Variants in ADGRV1 observed in about 807,000 individuals in gnomAD.
ADGRV1 encodes G-protein coupled receptor 98.
ADGRV1 carries 359 observed loss-of-function variants against 596.2 expected under a neutral mutation model. The ratio of observed to expected loss-of-function variants is 0.60; its 90% CI spans 0.55 to 0.66. The LOEUF (loss-of-function observed/expected upper bound fraction) is 0.66. Among genes scored for constraint, ADGRV1 ranks in the 30% least tolerant of loss-of-function variants. ADGRV1 has a pLI of 0.00. For synonymous variants in ADGRV1, 2,681 were observed against 2,679.2 expected, an observed-to-expected ratio of 1.00 and a Z score of -0.02; for missense variants, 7,274 against 7,575.6, an observed-to-expected ratio of 0.96 and a Z score of 1.48.
intron 11 of ADGRV1, 116 bp from the exon 12 acceptor site, chr5:90,642,520 C>G: frequency 9.1e-7 from 1 of 1,099,180 alleles, no homozygotes; most frequent in Non-Finnish European, 1.3e-6. Flanking sequence ...GGTCTAATTC[C>G]TCATAGCCTT....
intron 83 of ADGRV1, among the ~76,000 whole-genome samples, chr5:90,879,793 C>A (rs2150535309): frequency 6.6e-6 from 1 of 152,002 alleles, no homozygotes; most frequent in African/African-American, 2.4e-5. Flanking sequence ...ACTGAAAATA[C>A]AAAATTAGCT....
Position 90,704,411 on chromosome 5 carries a change from T to G in ADGRV1, c.8309T>G (p.Phe2770Cys), listed in dbSNP as rs573275676. The G allele has an allele frequency of 1.1e-5, 18 of 1,577,252 alleles. No homozygotes were observed. In the South Asian group the frequency reaches 2.0e-4, roughly 18 times the overall value. ...FPEGSLNTTLFVHLLDDNIPE... is the reference protein window; with the variant it reads ...FPEGSLNTTLCVHLLDDNIPE... ...TAGGGGTCGTTGAATACAACATTGT[T>G]TGTGCATTTGTTGGATGACAACATT... The change falls in exon 36 of 90, where the codon TTT (phenylalanine) becomes TGT (cysteine). Residue 2770 changes from phenylalanine to cysteine, a missense_variant. Physicochemically the swap from Phe to Cys is radical, Grantham distance 205. Coordinates refer to ENST00000405460, the MANE Select transcript of ADGRV1 (RefSeq NM_032119.4).
At chr5:90,703,529 CA>C (rs1748178757) in intron 34 of ADGRV1, 135 bp from the exon 35 acceptor site, 2 of 586,382 alleles carry the variant, frequency 3.4e-6, no homozygotes, top group Non-Finnish European at 5.8e-6. Context: ...CTAGAAAATT[CA>C]AAACAAAACA....
intron 67 of ADGRV1, 51 bp from the exon 68 acceptor site, chr5:90,788,020 C>T (rs1292324831): frequency 5.8e-6 from 8 of 1,385,124 alleles, no homozygotes; most frequent in Middle Eastern, 1.9e-4. Flanking sequence ...TAGTTTTTTG[C>T]TTAAAATTGA....
chr5:90,896,062 ATTTCAC>A (rs1375464224), intron 83 of ADGRV1, among the ~76,000 whole-genome samples: 5 of 151,576 alleles, frequency 3.3e-5, no homozygotes. Flanking sequence ...AGCTAACTGG[ATTTCAC>A]TGTAGTTGAA....
chr5:90,794,676 G>T (rs1183145227), intron 70 of ADGRV1, among the ~76,000 whole-genome samples: 1 of 152,122 alleles, frequency 6.6e-6, no homozygotes, highest in Non-Finnish European at 1.5e-5. Context: ...AGAACAATAG[G>T]CAGGAATTGC....
chr5:91,102,414 A>G, intron 87 of ADGRV1, 74 bp downstream of exon 87: 1 of 1,347,526 alleles, frequency 7.4e-7, no homozygotes, highest in Non-Finnish European at 1.0e-6. Context: ...TTCAATATTA[A>G]AGAGTCAAGC....
intron 60 of ADGRV1, 138 bp from the exon 61 acceptor site, chr5:90,776,315 G>T (rs1474173948): frequency 8.6e-6 from 7 of 809,914 alleles, no homozygotes; most frequent in Non-Finnish European, 1.4e-5. Flanking sequence ...GTAAAATGAG[G>T]ATATTAATAC....
chr5:90,663,535 G>A (rs1643898992), intron 21 of ADGRV1, among the ~76,000 whole-genome samples: 1 of 151,774 alleles, frequency 6.6e-6, no homozygotes, highest in Non-Finnish European at 1.5e-5. Flanking sequence ...TGAGTAGGTT[G>A]CGAAAATTGT....
intron 34 of ADGRV1, among the ~76,000 whole-genome samples, chr5:90,700,615 C>T (rs1747789204): frequency 6.6e-6 from 1 of 152,074 alleles, no homozygotes; most frequent in South Asian, 2.1e-4. Flanking sequence ...ATCATCATGT[C>T]ATGTTCGATG....
rs755802203 is a variant in ADGRV1, at chr5:90,637,743, C to T, written c.2035C>T (p.Arg679Trp). Residue 679 changes from arginine to tryptophan, a missense_variant, in exon 11 of 90, where the codon CGG becomes TGG. This residue lies in a region of ADGRV1 where 1,715 missense variants were observed against 1,708.8 expected (regional missense o/e 1.00). Coordinates refer to ENST00000405460, the MANE Select transcript of ADGRV1 (RefSeq NM_032119.4). Reference sequence around the variant, plus strand: ...TTATAAGGTATACATTCCCTTACATCGGGATGGAACTGATGGCCAGGCTAC... The same window carrying T: ...TTATAAGGTATACATTCCCTTACATTGGGATGGAACTGATGGCCAGGCTAC... ...AAEVVYIPLH[R>W]DGTDGQATVY... 30 of 1,609,802 alleles carry T rather than the reference C, an allele frequency of 1.9e-5. No individual in the cohort carries two copies. Among genetic ancestry groups the T allele is most frequent in the African/African-American group, 4.0e-5 (3 of 74,718 alleles).
intron 86 of ADGRV1, among the ~76,000 whole-genome samples, chr5:91,082,818 T>A (rs1458830430): frequency 6.6e-6 from 1 of 152,186 alleles, no homozygotes; most frequent in African/African-American, 2.4e-5. Flanking sequence ...TTCTTACCTG[T>A]ATTTCCATTC....
intron 84 of ADGRV1, among the ~76,000 whole-genome samples, chr5:90,984,811 A>G (rs2151045824): frequency 6.6e-6 from 1 of 152,304 alleles, no homozygotes; most frequent in African/African-American, 2.4e-5. Flanking sequence ...TCTCTGTGCG[A>G]TCATTTTCTG....
chr5:90,988,960 G>A lies in ADGRV1; in HGVS notation c.18152+3438G>A, dbSNP rs547173424. On this transcript the variant is annotated intron_variant, in intron 85 of 89. Coordinates refer to ENST00000405460, the MANE Select transcript of ADGRV1 (RefSeq NM_032119.4). ...CCAGCTTCATCCATGTCCCTACAAA[G>A]GACATGAACTCATCATTTTTTATGG... Among the ~76,000 whole-genome samples, 3 of 151,874 alleles carry A rather than the reference G, an allele frequency of 2.0e-5. No homozygotes were observed. In the East Asian group the frequency reaches 5.8e-4, roughly 29 times the overall value.
intron 28 of ADGRV1, 143 bp from the exon 29 acceptor site, chr5:90,685,631 TAAATAA>T (rs1745517272): frequency 4.3e-6 from 1 of 230,688 alleles, no homozygotes; most frequent in South Asian, 1.8e-4. Flanking sequence ...AATAAATAAA[TAAATAA>T]ATAAAATAAA....
At chr5:90,937,922 T>C (rs1775851007) in intron 83 of ADGRV1, among the ~76,000 whole-genome samples, 1 of 152,228 alleles carries the variant, frequency 6.6e-6, no homozygotes, top group Non-Finnish European at 1.5e-5. Flanking sequence ...CTTTGTCAGA[T>C]TGTTTCATAA....
intron 77 of ADGRV1, among the ~76,000 whole-genome samples, chr5:90,840,085 C>A (rs1765300141): frequency 6.6e-6 from 1 of 152,164 alleles, no homozygotes; most frequent in African/African-American, 2.4e-5. Context: ...ATGTCCAGGA[C>A]CCTACTCCTT....
chr5:90,814,933 G>T (rs1762757844), intron 74 of ADGRV1, among the ~76,000 whole-genome samples: 1 of 152,054 alleles, frequency 6.6e-6, no homozygotes, highest in Non-Finnish European at 1.5e-5. Context: ...TTGCTGCCTA[G>T]GGTTTGAAGT....
intron 31 of ADGRV1, among the ~76,000 whole-genome samples, chr5:90,691,918 A>T (rs1746530788): frequency 6.6e-6 from 1 of 152,192 alleles, no homozygotes. Context: ...TCAGTGGAAA[A>T]GTTAATCACT....
Sources: allele counts gnomAD v4.1 joint callset (sites outside exome capture counted in the v4.1 genomes callset), GRCh38; gene constraint gnomAD v4.1.1; regional missense constraint gnomAD v4.1.1; transcripts MANE v1.5; gene names NCBI Gene and HGNC (gene_info 2026-07-23, HGNC 2026-07-21).